The following LAMA3 variants were observed in gnomAD, a reference collection of about 807,000 sequenced individuals.
LAMA3 encodes the protein laminin subunit alpha 3, also known as laminin subunit alpha-3.
Under a neutral mutation model 402.0 loss-of-function variants are expected in LAMA3, and 281 were observed. The observed-to-expected ratio is 0.70, with a 90% CI of 0.63 to 0.77. LAMA3 has a LOEUF of 0.77. Among genes scored for constraint, LAMA3 ranks in the 30% least tolerant of loss-of-function variants. The pLI is 0.00. For synonymous variants in LAMA3, 1,431 were observed against 1,558.4 expected, an observed-to-expected ratio of 0.92 and a Z score of 1.93; for missense variants, 3,840 against 4,215.5, an observed-to-expected ratio of 0.91 and a Z score of 2.47.
At chr18:23,812,976 A>C in intron 13 of LAMA3, 81 bp from the exon 14 acceptor site, 1 of 981,366 alleles carries the variant, frequency 1.0e-6, no homozygotes, top group South Asian at 1.3e-5. Flanking sequence ...TTTTGAAAAC[A>C]AAACGTTTAA....
chr18:23,779,587 G>C (rs1032773423), intron 11 of LAMA3, among the ~76,000 whole-genome samples: 1 of 152,112 alleles, frequency 6.6e-6, no homozygotes, highest in Non-Finnish European at 1.5e-5. Flanking sequence ...AGAATACATG[G>C]GCCAGAGGCG....
Position 23,784,098 on chromosome 18 carries a change from T to C in LAMA3, c.1544T>C (p.Val515Ala). ...AHGRCLCRPG[V>A]EGPRCDTCRS... ...GGACGGTGCCTGTGCCGCCCTGGGG[T>C]TGAGGGCCCTCGATGTGATACCTGC... Residue 515 changes from valine to alanine, a missense_variant, in exon 12 of 75, where the codon GTT becomes GCT. This residue lies in a region of LAMA3 where 2,109 missense variants were observed against 2,376.0 expected (regional missense o/e 0.89). Coordinates refer to ENST00000313654, the MANE Select transcript of LAMA3 (RefSeq NM_198129.4). 1.9e-6 allele frequency: 3 copies of C among 1,614,076 alleles called. No homozygotes were observed. Among genetic ancestry groups the C allele is most frequent in the Non-Finnish European group, 2.5e-6 (3 of 1,180,014 alleles).
chr18:23,834,352 G>A, intron 24 of LAMA3: 1 of 296,716 alleles, frequency 3.4e-6, no homozygotes, highest in Non-Finnish European at 6.6e-6. Context: ...ATAGCACAAG[G>A]AAAAAGACTC....
intron 70 of LAMA3, among the ~76,000 whole-genome samples, chr18:23,948,499 A>G (rs1422295400): frequency 6.6e-6 from 1 of 152,196 alleles, no homozygotes; most frequent in African/African-American, 2.4e-5. Context: ...AAAGTTTCAT[A>G]GGGAATCCAA....
rs369602874 is a variant in LAMA3 at position 23,894,364 on chromosome 18, C to T, written c.5461+16C>T. 6.2e-7 allele frequency: 1 copy of T among 1,606,458 alleles called. No individual in the cohort carries two copies. Among genetic ancestry groups the T allele is most frequent in the African/African-American group, 1.3e-5 (1 of 74,674 alleles). ...GAATGTGATGGTGAGAAAAGAAAGC[C>T]CCTCCTCCTCCTTTCCAAGTTGTGG... On this transcript the variant is annotated intron_variant, in intron 43 of 74. Coordinates refer to ENST00000313654, the MANE Select transcript of LAMA3 (RefSeq NM_198129.4).
At chr18:23,887,828 T>C (rs371003680) in intron 41 of LAMA3, among the ~76,000 whole-genome samples, 9 of 152,224 alleles carry the variant, frequency 5.9e-5, no homozygotes, top group East Asian at 3.8e-4. Context: ...AAGACAAGCC[T>C]ATTTTCTGCT....
At chr18:23,714,189 C>A in intron 2 of LAMA3, 117 bp downstream of exon 2, 2 of 1,027,556 alleles carry the variant, frequency 1.9e-6, no homozygotes, top group South Asian at 1.5e-5. Flanking sequence ...ATCCCCTCAT[C>A]ATTGTTAAAC....
At chr18:23,858,540 G>A (rs1598936627) in intron 33 of LAMA3, 149 bp from the exon 34 acceptor site, 2 of 766,666 alleles carry the variant, frequency 2.6e-6, no homozygotes, top group East Asian at 2.6e-5. Context: ...AACATGGGAT[G>A]AAAGCTTAAT....
chr18:23,797,851 A>AT (rs971430479), intron 12 of LAMA3, among the ~76,000 whole-genome samples: 1 of 152,076 alleles, frequency 6.6e-6, no homozygotes, highest in African/African-American at 2.4e-5. Context: ...ACAATGCAGT[A>AT]TTTTTTTCAT....
chr18:23,904,809 T>A, intron 51 of LAMA3, 115 bp downstream of exon 51: 1 of 1,167,512 alleles, frequency 8.6e-7, no homozygotes, highest in South Asian at 1.4e-5. Flanking sequence ...AATCAGAACT[T>A]GTTGTATAGA....
At chr18:23,712,379 CAAAAA>C (rs71163637) in intron 1 of LAMA3, among the ~76,000 whole-genome samples, 3 of 103,684 alleles carry the variant, frequency 2.9e-5, no homozygotes, top group Admixed American at 1.0e-4. Context: ...AACTCCGTCT[CAAAAA>C]AAAAAAAAAA....
chr18:23,899,446 T>A lies in LAMA3; in HGVS notation c.5995T>A (p.Ser1999Thr). Residue 1999 changes from serine to threonine, a missense_variant, in exon 47 of 75, where the codon TCG (serine) becomes ACG (threonine). Physicochemically the swap from Ser to Thr is moderately conservative, Grantham distance 58. Transcript: ENST00000313654. ...LREAEADKRE[S>T]QLLLNRIRTW... Reference sequence around the variant, plus strand: ...AGAAGCAGAAGCTGATAAAAGGGAGTCGCAGCTCTGTAAGAATGCTCCCAA... The same window carrying A: ...AGAAGCAGAAGCTGATAAAAGGGAGACGCAGCTCTGTAAGAATGCTCCCAA... 1 of 1,613,478 alleles carries A rather than the reference T, an allele frequency of 6.2e-7. No homozygotes were observed. Among genetic ancestry groups the A allele is most frequent in the South Asian group, 1.1e-5 (1 of 91,034 alleles).
chr18:23,904,762 C>T (rs532127273), intron 51 of LAMA3, 68 bp downstream of exon 51: 246 of 1,509,000 alleles, frequency 1.6e-4, no homozygotes, highest in South Asian at 2.2e-4. Context: ...ATTTTCTTTC[C>T]GTGGGCTCCA....
rs1315644597 is a variant in LAMA3, at chr18:23,867,870, A to G, written c.4720A>G (p.Thr1574Ala). 6.2e-7 allele frequency: 1 copy of G among 1,614,058 alleles called. No homozygotes were observed. Among genetic ancestry groups the G allele is most frequent in the Admixed American group, 1.7e-5 (1 of 60,020 alleles). The change falls in exon 37 of 75, where the codon ACC (threonine) becomes GCC (alanine). Residue 1574 changes from threonine (T) to alanine (A), a missense_variant. Physicochemically the swap from Thr to Ala is moderately conservative, Grantham distance 58. This residue lies in a region of LAMA3 where 2,109 missense variants were observed against 2,376.0 expected (regional missense o/e 0.89). Coordinates refer to ENST00000313654, the MANE Select transcript of LAMA3 (RefSeq NM_198129.4). ...GTCCATCATCTATGAGGAGACAAAC[A>G]CCCCACGGCCAGACCGGCTGCATCA... ...HMSIIYEETN[T>A]PRPDRLHHGR... is the part of the protein sequence containing the mutation.
chr18:23,888,696 A>T (rs569424918), intron 41 of LAMA3, among the ~76,000 whole-genome samples: 1 of 152,348 alleles, frequency 6.6e-6, no homozygotes, highest in South Asian at 2.1e-4. Context: ...GGTGAAGTAT[A>T]TTGGAAGTAC....
rs993206984 is a variant in LAMA3 at position 23,934,393 on chromosome 18, A to C, written c.8862+458A>C. 7.9e-5 allele frequency among the ~76,000 whole-genome samples: 12 copies of C among 152,150 alleles called. No individual in the cohort carries two copies. The East Asian group carries it at 2.3e-3, about 29-fold the overall frequency. ...TTTAACACCCCAATGCTTAGGCTGC[A>C]TCTGACCCAATTAAGTTAGATGCTC... On this transcript the variant is annotated intron_variant, in intron 67 of 74. Transcript: ENST00000313654.
chr18:23,840,678 C>T (rs968837342), intron 27 of LAMA3, among the ~76,000 whole-genome samples: 2 of 152,036 alleles, frequency 1.3e-5, no homozygotes, highest in African/African-American at 4.8e-5. Context: ...ATTTATTAAT[C>T]AATCATCTAG....
chr18:23,926,241 G>A (rs903787344), intron 62 of LAMA3, among the ~76,000 whole-genome samples: 7 of 152,182 alleles, frequency 4.6e-5, no homozygotes, highest in South Asian at 2.1e-4. Flanking sequence ...ATAGAGCTTC[G>A]TGCAAAATAG....
intron 62 of LAMA3, among the ~76,000 whole-genome samples, chr18:23,922,136 G>C (rs928776129): frequency 6.6e-6 from 1 of 152,210 alleles, no homozygotes; most frequent in Non-Finnish European, 1.5e-5. Flanking sequence ...AGCTTTATCT[G>C]AATGGGAAAA....
Sources: gnomAD v4.1 joint callset for allele counts (sites outside exome capture counted in the v4.1 genomes callset) on GRCh38, gnomAD v4.1.1 for gene constraint, gnomAD v4.1.1 regional missense constraint, MANE v1.5 for transcripts, NCBI Gene and HGNC (gene_info 2026-07-23, HGNC 2026-07-21) for gene names.